The following PPARGC1A variants were observed in gnomAD, a reference collection of about 807,000 sequenced individuals.
PPARGC1A encodes the protein PPARG coactivator 1 alpha.
A neutral mutation model predicts 88.7 loss-of-function variants in PPARGC1A; 25 were observed. The observed-to-expected ratio is 0.28, with a 90% confidence interval of 0.21 to 0.39. The LOEUF (loss-of-function observed/expected upper bound fraction) is 0.39, where lower values mean the gene tolerates loss of function less well. Ranked by LOEUF, PPARGC1A falls within the 10% of genes least tolerant of loss-of-function variation. The probability of loss-of-function intolerance (pLI) is 1.00; values close to 1 mark genes in which losing one functional copy is unlikely to be tolerated. For synonymous variants in PPARGC1A, 363 were observed against 355.6 expected, an observed-to-expected ratio of 1.02 and a Z score of -0.24; for missense variants, 880 against 968.7, an observed-to-expected ratio of 0.91 and a Z score of 1.22.
At chr4:24,446,126 G>A in the PPARGC1A span, among the ~76,000 whole-genome samples, 1 of 152,180 alleles carries the variant, frequency 6.6e-6, no homozygotes, top group East Asian at 1.9e-4. Context: ...GAAATTCTGA[G>A]TGGTAAGGCA....
the PPARGC1A span, among the ~76,000 whole-genome samples, chr4:24,094,889 G>A: frequency 6.6e-6 from 1 of 152,094 alleles, no homozygotes; most frequent in Non-Finnish European, 1.5e-5. Context: ...AGGAAAGTAT[G>A]TATAATGACT....
At chr4:24,332,283 G>T in the PPARGC1A span, among the ~76,000 whole-genome samples, 42 of 152,126 alleles carry the variant, frequency 2.8e-4, no homozygotes, top group Admixed American at 2.1e-3. Context: ...TGGCCTAGAA[G>T]AGTGCATTTA....
chr4:24,038,316 G>A, the PPARGC1A span, among the ~76,000 whole-genome samples: 2 of 152,076 alleles, frequency 1.3e-5, no homozygotes, highest in African/African-American at 4.8e-5. Context: ...AACTCAGAAG[G>A]GACTCAACTA....
chr4:24,109,036 CCACA>C, the PPARGC1A span, among the ~76,000 whole-genome samples: 53 of 128,674 alleles, frequency 4.1e-4, no homozygotes, highest in South Asian at 1.2e-3. Context: ...CACACACACA[CCACA>C]CACACACACA....
At chr4:23,903,858 A>G (rs1340907151), upstream of PPARGC1A, 1 of 184,888 alleles carries the variant, frequency 5.4e-6, no homozygotes, top group African/African-American at 2.4e-5. Flanking sequence ...TTAGCAATCT[A>G]CACACAAAAC....
At chr4:24,162,591 C>CT in the PPARGC1A span, among the ~76,000 whole-genome samples, 39,103 of 127,960 alleles carry the variant, frequency 0.31, 6,184 homozygotes, top group South Asian at 0.4. Context: ...TCCTTACTTC[C>CT]TTTTTTTTTT....
the PPARGC1A span, among the ~76,000 whole-genome samples, chr4:24,237,948 C>T: frequency 6.6e-6 from 1 of 152,232 alleles, no homozygotes. Context: ...CCAATGGCAT[C>T]ATCTCCCATA....
chr4:24,152,417 A>G, the PPARGC1A span, among the ~76,000 whole-genome samples: 1 of 152,176 alleles, frequency 6.6e-6, no homozygotes, highest in Admixed American at 6.6e-5. Context: ...CATGGAGAGA[A>G]AGTGTTCCTT....
chr4:24,286,316 G>A, the PPARGC1A span, among the ~76,000 whole-genome samples: 15 of 152,082 alleles, frequency 9.9e-5, no homozygotes, highest in Non-Finnish European at 2.1e-4. Context: ...CCTTAGTCTT[G>A]TTCTTCTCTC....
upstream of PPARGC1A, among the ~76,000 whole-genome samples, chr4:23,905,831 G>T (rs944213667): frequency 3.3e-5 from 5 of 152,148 alleles, no homozygotes; most frequent in Non-Finnish European, 5.9e-5. Flanking sequence ...CAAACATTTT[G>T]TTCTTAATGA....
chr4:23,975,473 A>G, the PPARGC1A span, among the ~76,000 whole-genome samples: 1 of 151,624 alleles, frequency 6.6e-6, no homozygotes, highest in Non-Finnish European at 1.5e-5. Flanking sequence ...GCTGGAGTAC[A>G]GTGGTGCAAT....
chr4:23,801,375 CCA>C (rs1013310377), intron 12 of PPARGC1A, among the ~76,000 whole-genome samples: 2 of 151,990 alleles, frequency 1.3e-5, no homozygotes, highest in African/African-American at 2.4e-5. Context: ...CACACAATAT[CCA>C]CAGAGATACA....
At chr4:24,110,044 A>G in the PPARGC1A span, among the ~76,000 whole-genome samples, 3 of 152,100 alleles carry the variant, frequency 2.0e-5, no homozygotes, top group African/African-American at 7.2e-5. Flanking sequence ...TGAGCTCTCC[A>G]TCTTTTTACA....
At chr4:24,409,558 C>T in the PPARGC1A span, among the ~76,000 whole-genome samples, 3 of 152,192 alleles carry the variant, frequency 2.0e-5, no homozygotes, top group Non-Finnish European at 4.4e-5. Flanking sequence ...ATTATTTACT[C>T]TTAAGGCCCT....
the PPARGC1A span, among the ~76,000 whole-genome samples, chr4:24,366,509 T>C: frequency 6.6e-6 from 1 of 152,158 alleles, no homozygotes; most frequent in African/African-American, 2.4e-5. Context: ...TTATCTTCTA[T>C]ATTAAACCTC....
intron 1 of PPARGC1A, among the ~76,000 whole-genome samples, chr4:23,898,072 G>A (rs929692973): frequency 6.6e-6 from 1 of 152,164 alleles, no homozygotes; most frequent in South Asian, 2.1e-4. Context: ...AAGGAAATGA[G>A]AGCTTAAAAT....
At chr4:23,908,248 A>T (rs1227675840), upstream of PPARGC1A, among the ~76,000 whole-genome samples, 1 of 152,158 alleles carries the variant, frequency 6.6e-6, no homozygotes, top group Non-Finnish European at 1.5e-5. Flanking sequence ...AAATGTGAAA[A>T]ATTAAAATTT....
At chr4:24,418,155 T>C in the PPARGC1A span, among the ~76,000 whole-genome samples, 1 of 152,182 alleles carries the variant, frequency 6.6e-6, no homozygotes, top group Non-Finnish European at 1.5e-5. Flanking sequence ...GCAGCCACCA[T>C]GGGAAGCTTC....
chr4:23,881,521 A>T (rs1233642579), intron 2 of PPARGC1A, among the ~76,000 whole-genome samples: 1 of 152,216 alleles, frequency 6.6e-6, no homozygotes, highest in Non-Finnish European at 1.5e-5. Flanking sequence ...CATATGGAAG[A>T]AACAAAAAGA....
Sources: allele counts gnomAD v4.1 joint callset (sites outside exome capture counted in the v4.1 genomes callset), GRCh38; gene constraint gnomAD v4.1.1; transcripts MANE v1.5; gene names NCBI Gene and HGNC (gene_info 2026-07-23, HGNC 2026-07-21).